Variants in SH3GL2 observed in about 807,000 individuals in gnomAD.
The protein encoded by SH3GL2 is SH3 domain containing GRB2 like 2, endophilin A1.
A neutral mutation model predicts 46.0 loss-of-function variants in SH3GL2; 24 were observed. The ratio of observed to expected loss-of-function variants is 0.52; its 90% CI spans 0.38 to 0.73. The LOEUF (loss-of-function observed/expected upper bound fraction) is 0.73. SH3GL2 is among the 30% of genes least tolerant of loss of function. The probability of loss-of-function intolerance (pLI) is 0.00; values close to 1 mark genes in which losing one functional copy is unlikely to be tolerated. For synonymous variants in SH3GL2, 196 were observed against 147.1 expected (o/e 1.33, Z -2.40); for missense variants, 413 against 424.2 (o/e 0.97, Z 0.23).
chr9:17,696,200 A>G (rs1821198302), intron 1 of SH3GL2, among the ~76,000 whole-genome samples: 1 of 151,986 alleles, frequency 6.6e-6, no homozygotes, highest in Non-Finnish European at 1.5e-5. Context: ...TTCCTTTTTT[A>G]AAGAGAACAT....
chr9:17,647,222 C>T (rs1819840392), intron 1 of SH3GL2, among the ~76,000 whole-genome samples: 2 of 152,206 alleles, frequency 1.3e-5, no homozygotes, highest in African/African-American at 4.8e-5. Flanking sequence ...ATAGTATATT[C>T]TCTCATCACT....
At chr9:17,697,247 G>A (rs536105759) in intron 1 of SH3GL2, among the ~76,000 whole-genome samples, 350 of 150,544 alleles carry the variant, frequency 2.3e-3, no homozygotes, top group Non-Finnish European at 4.3e-3. Context: ...TTTTTAAGGC[G>A]GAGTCTCACT....
intron 1 of SH3GL2, among the ~76,000 whole-genome samples, chr9:17,613,030 G>C (rs947745011): frequency 6.6e-6 from 1 of 152,058 alleles, no homozygotes; most frequent in African/African-American, 2.4e-5. Flanking sequence ...TTTTACTGCT[G>C]TCATTTTGTT....
intron 1 of SH3GL2, among the ~76,000 whole-genome samples, chr9:17,605,270 C>T (rs760076205): frequency 2.6e-5 from 4 of 152,090 alleles, no homozygotes; most frequent in African/African-American, 9.7e-5. Context: ...AGAGCTACTG[C>T]AGTAGGCTAC....
At position 17,773,044 on chromosome 9, in the gene SH3GL2, G is replaced by A. The variant is rs574962468; in HGVS notation, c.187+11535G>A. On this transcript the variant is annotated intron_variant, in intron 3 of 8. Transcript: ENST00000380607. The stretch of plus-strand genomic sequence containing the variant: ...TTACCATCCTTATGAGTGTGAGGTG[G>A]TATCTCATTGTAGTTTTGATTTGTA... Among the ~76,000 whole-genome samples, 6 of 152,132 alleles carry A rather than the reference G, an allele frequency of 3.9e-5. 1 individual carries two copies. Among genetic ancestry groups the A allele is most frequent in the African/African-American group, 1.4e-4 (6 of 41,502 alleles).
chr9:17,639,610 G>A (rs1382102356), intron 1 of SH3GL2, among the ~76,000 whole-genome samples: 1 of 152,182 alleles, frequency 6.6e-6, no homozygotes, highest in East Asian at 1.9e-4. Context: ...GGTTGTATAA[G>A]ATAACATAAA....
At chr9:17,763,976 T>G (rs1030276855) in intron 3 of SH3GL2, among the ~76,000 whole-genome samples, 2 of 152,086 alleles carry the variant, frequency 1.3e-5, no homozygotes, top group African/African-American at 2.4e-5. Context: ...TATTTTTATT[T>G]TAATAAAAAA....
At chr9:17,710,227 C>G (rs989543906) in intron 1 of SH3GL2, among the ~76,000 whole-genome samples, 1 of 151,994 alleles carries the variant, frequency 6.6e-6, no homozygotes, top group African/African-American at 2.4e-5. Flanking sequence ...TTTCTTCTTG[C>G]TGCTGCCATG....
chr9:17,793,828 G>A (rs888444126), intron 8 of SH3GL2, among the ~76,000 whole-genome samples: 9 of 152,172 alleles, frequency 5.9e-5, no homozygotes, highest in African/African-American at 2.2e-4. Context: ...TGGTCTGCGA[G>A]TGTCATCTTT....
At chr9:17,676,994 A>G (rs1400284541) in intron 1 of SH3GL2, among the ~76,000 whole-genome samples, 24 of 152,128 alleles carry the variant, frequency 1.6e-4, no homozygotes, top group Admixed American at 1.6e-3. Flanking sequence ...AAGAGAAGAC[A>G]CTGCAGAACT....
chr9:17,791,148 C>T, intron 6 of SH3GL2, 83 bp from the exon 7 acceptor site: 5 of 953,240 alleles, frequency 5.2e-6, no homozygotes, highest in Non-Finnish European at 8.5e-6. Flanking sequence ...TGAGGGCAGC[C>T]CTGGTGTATG....
intron 3 of SH3GL2, among the ~76,000 whole-genome samples, chr9:17,772,293 A>G (rs1416246991): frequency 6.6e-6 from 1 of 152,208 alleles, no homozygotes; most frequent in Non-Finnish European, 1.5e-5. Context: ...GACTTCACAA[A>G]TTTAGTTAAA....
chr9:17,629,556 C>T (rs938637316), intron 1 of SH3GL2, among the ~76,000 whole-genome samples: 1 of 152,172 alleles, frequency 6.6e-6, no homozygotes, highest in Non-Finnish European at 1.5e-5. Flanking sequence ...CTTCTGGATA[C>T]AGCTCTGGTT....
At chr9:17,623,971 C>G (rs1819217744) in intron 1 of SH3GL2, among the ~76,000 whole-genome samples, 1 of 152,144 alleles carries the variant, frequency 6.6e-6, no homozygotes, top group South Asian at 2.1e-4. Context: ...TAATATTTTT[C>G]TGTCTCATAC....
chr9:17,581,895 A>C (rs1156418314), intron 1 of SH3GL2, among the ~76,000 whole-genome samples: 1 of 152,080 alleles, frequency 6.6e-6, no homozygotes, highest in African/African-American at 2.4e-5. Context: ...GACAGGGTTT[A>C]GCCATGTTAA....
chr9:17,597,393 T>C (rs1818593156), intron 1 of SH3GL2, among the ~76,000 whole-genome samples: 1 of 152,044 alleles, frequency 6.6e-6, no homozygotes, highest in Non-Finnish European at 1.5e-5. Flanking sequence ...GGCACATGCC[T>C]GTAATGCCAG....
At chr9:17,653,775 C>T (rs1488905626) in intron 1 of SH3GL2, 1 of 404,118 alleles carries the variant, frequency 2.5e-6, no homozygotes, top group Admixed American at 6.4e-5. Context: ...AGGGTGAAAG[C>T]AGTTCAATTT....
intron 1 of SH3GL2, among the ~76,000 whole-genome samples, chr9:17,730,463 C>T (rs1429628108): frequency 6.6e-6 from 1 of 152,020 alleles, no homozygotes; most frequent in African/African-American, 2.4e-5. Context: ...TTTCTCTTGC[C>T]TGATTGTCTT....
chr9:17,596,183 A>G (rs190334086), intron 1 of SH3GL2, among the ~76,000 whole-genome samples: 1 of 152,256 alleles, frequency 6.6e-6, no homozygotes, highest in Non-Finnish European at 1.5e-5. Context: ...AAACTATTGG[A>G]ACACCTGCCC....
Sources: gnomAD v4.1 joint callset for allele counts (sites outside exome capture counted in the v4.1 genomes callset) on GRCh38, gnomAD v4.1.1 for gene constraint, MANE v1.5 for transcripts, NCBI Gene and HGNC (gene_info 2026-07-23, HGNC 2026-07-21) for gene names.